TBC1D22A: variants seen among roughly 807,000 people sequenced by gnomAD.
The protein encoded by TBC1D22A is TBC1 domain family member 22A, also known as putative GTPase activator.
A neutral mutation model predicts 60.2 loss-of-function variants in TBC1D22A; 38 were observed. The observed-to-expected ratio is 0.63, with a 90% CI of 0.49 to 0.83. TBC1D22A has a LOEUF of 0.83. Ranked by LOEUF, TBC1D22A falls within the 40% of genes least tolerant of loss-of-function variation. The probability of loss-of-function intolerance (pLI) is 0.00; values close to 1 mark genes in which losing one functional copy is unlikely to be tolerated. For synonymous variants in TBC1D22A, 302 were observed against 281.7 expected (o/e 1.07, Z -0.72); for missense variants, 628 against 701.0 (o/e 0.90, Z 1.18).
Position 47,053,110 on chromosome 22 carries a change from GC to G in TBC1D22A, c.1329+15914del, listed in dbSNP as rs2063281214. Among the ~76,000 whole-genome samples the G allele has an allele frequency of 2.0e-5, 3 of 151,664 alleles. No individual in the cohort carries two copies. The South Asian group carries it at 6.2e-4, about 32-fold the overall frequency. ...GCATCGTGCCCACCACCAGCCCAGG[GC>G]CTCACTGCTTCCTGCCCACCACCAG... On this transcript the variant is annotated intron_variant, in intron 11 of 12. Coordinates refer to ENST00000337137, the MANE Select transcript of TBC1D22A (RefSeq NM_014346.5).
At chr22:46,832,185 C>A (rs2086339225) in intron 4 of TBC1D22A, among the ~76,000 whole-genome samples, 1 of 152,170 alleles carries the variant, frequency 6.6e-6, no homozygotes, top group Admixed American at 6.5e-5. Flanking sequence ...TGCATCATGG[C>A]AGGGAAGGGC....
At chr22:46,830,338 T>TA (rs2086257624) in intron 4 of TBC1D22A, among the ~76,000 whole-genome samples, 1 of 152,148 alleles carries the variant, frequency 6.6e-6, no homozygotes, top group African/African-American at 2.4e-5. Flanking sequence ...CCCTGGAGGG[T>TA]AGGGCCCTAT....
chr22:46,945,703 T>C (rs2072493295), intron 8 of TBC1D22A, among the ~76,000 whole-genome samples: 1 of 152,092 alleles, frequency 6.6e-6, no homozygotes, highest in Non-Finnish European at 1.5e-5. Flanking sequence ...GGAGCAGGGT[T>C]CCCCCCTGGT....
Position 46,999,903 on chromosome 22 carries a change from G to T in TBC1D22A, c.1201+2194G>T, listed in dbSNP as rs549428573. On this transcript the variant is annotated intron_variant, in intron 10 of 12. Transcript: ENST00000337137. ...AGCCGGGCGTGGTGGCAGGCGCCTGGAGTCCCAGCTGCTTGGGAGGCTGAG... is the reference window on the plus strand; with the variant it reads ...AGCCGGGCGTGGTGGCAGGCGCCTGTAGTCCCAGCTGCTTGGGAGGCTGAG... Among the ~76,000 whole-genome samples, 988 of 152,084 alleles carry T rather than the reference G, an allele frequency of 6.5e-3. 8 individuals carry two copies. Among genetic ancestry groups the T allele is most frequent in the African/African-American group, 0.022 (893 of 41,516 alleles).
chr22:47,062,558 G>A (rs572716517), intron 11 of TBC1D22A, among the ~76,000 whole-genome samples: 2 of 152,164 alleles, frequency 1.3e-5, no homozygotes, highest in East Asian at 3.9e-4. Flanking sequence ...ACAGTGCATG[G>A]TGCTTCCTCT....
At chr22:46,791,465 C>T (rs1000187849) in intron 1 of TBC1D22A, among the ~76,000 whole-genome samples, 1 of 152,068 alleles carries the variant, frequency 6.6e-6, no homozygotes, top group African/African-American at 2.4e-5. Context: ...GCTGAGGCCT[C>T]ACCTCTGTGT....
chr22:46,961,056 CATGGAAG>C (rs963827089), intron 8 of TBC1D22A, among the ~76,000 whole-genome samples: 1 of 150,018 alleles, frequency 6.7e-6, no homozygotes, highest in African/African-American at 2.4e-5. Flanking sequence ...AGGACTCCTT[CATGGAAG>C]ATACAAACAC....
intron 8 of TBC1D22A, among the ~76,000 whole-genome samples, chr22:46,961,903 C>CT (rs1370479536): frequency 6.6e-6 from 1 of 152,154 alleles, no homozygotes; most frequent in Non-Finnish European, 1.5e-5. Flanking sequence ...GTGAGTGTGT[C>CT]TGAGTGTGTA....
At chr22:46,879,202 G>A (rs2067725928) in intron 5 of TBC1D22A, among the ~76,000 whole-genome samples, 1 of 151,392 alleles carries the variant, frequency 6.6e-6, no homozygotes, top group African/African-American at 2.4e-5. Flanking sequence ...GTTTCTGTGG[G>A]TGAGAGAAGT....
intron 6 of TBC1D22A, 130 bp downstream of exon 6, chr22:46,891,524 A>C: frequency 4.3e-6 from 4 of 925,766 alleles, no homozygotes; most frequent in Non-Finnish European, 6.0e-6. Context: ...TGATTAGCTC[A>C]CAGATTTTTA....
At chr22:46,968,634 C>A (rs1374409462) in intron 8 of TBC1D22A, among the ~76,000 whole-genome samples, 1 of 151,340 alleles carries the variant, frequency 6.6e-6, no homozygotes. Context: ...CCTGAGTGGG[C>A]AGGCGTCCTC....
chr22:46,770,510 A>C (rs558727340), intron 1 of TBC1D22A, among the ~76,000 whole-genome samples: 1 of 152,338 alleles, frequency 6.6e-6, no homozygotes, highest in South Asian at 2.1e-4. Context: ...GGGATGTCTG[A>C]CAGGGAATGG....
rs150298481 is a variant in TBC1D22A, at chr22:46,976,132, G to A, written c.1125+1733G>A. ...GTCGCTTCTCTGATGGTGAGTGATGGGACTTGTGCCATTTAAATACAAGAT... is the reference window on the plus strand; with the variant it reads ...GTCGCTTCTCTGATGGTGAGTGATGAGACTTGTGCCATTTAAATACAAGAT... On this transcript the variant is annotated intron_variant, in intron 9 of 12. Transcript: ENST00000337137. Among the ~76,000 whole-genome samples, 1,147 of 152,234 alleles carry A rather than the reference G, an allele frequency of 7.5e-3. 18 individuals carry two copies. The highest frequency in any genetic ancestry group is 0.026 in the African/African-American group (1,092 of 41,530).
chr22:47,030,187 T>C (rs73470003), intron 10 of TBC1D22A, among the ~76,000 whole-genome samples: 3,906 of 152,292 alleles, frequency 0.026, 140 homozygotes, highest in African/African-American at 0.08. Flanking sequence ...AGCCTATTCA[T>C]GGCTGTCCCA....
rs145353185 is a variant in TBC1D22A, at chr22:47,059,529, T to C, written c.1329+22331T>C. Among the ~76,000 whole-genome samples, 1,172 of 152,326 alleles carry C rather than the reference T, an allele frequency of 7.7e-3. 13 individuals are homozygous for C. Among genetic ancestry groups the C allele is most frequent in the African/African-American group, 0.027 (1,114 of 41,564 alleles). Reference sequence around the variant, plus strand: ...CGTGTATGTGTGTTTCCACCCCCAATGTGAGCAAGTCTGTGTCTGTCACCC... The same window carrying C: ...CGTGTATGTGTGTTTCCACCCCCAACGTGAGCAAGTCTGTGTCTGTCACCC... On this transcript the variant is annotated intron_variant, in intron 11 of 12. Coordinates refer to ENST00000337137, the MANE Select transcript of TBC1D22A (RefSeq NM_014346.5).
chr22:47,084,637 G>A (rs1484350932), intron 11 of TBC1D22A, among the ~76,000 whole-genome samples: 1 of 152,192 alleles, frequency 6.6e-6, no homozygotes, highest in East Asian at 1.9e-4. Flanking sequence ...TTCAGCAACA[G>A]AATGGATAAA....
At chr22:46,835,026 A>C (rs1181211937) in intron 4 of TBC1D22A, among the ~76,000 whole-genome samples, 1 of 152,194 alleles carries the variant, frequency 6.6e-6, no homozygotes, top group Non-Finnish European at 1.5e-5. Flanking sequence ...TAAGGTATAG[A>C]ATCCTAAGAC....
rs116800081 is a variant in TBC1D22A at position 47,035,793 on chromosome 22, C to T, written c.1202-1278C>T. On this transcript the variant is annotated intron_variant, in intron 10 of 12. Coordinates refer to ENST00000337137, the MANE Select transcript of TBC1D22A (RefSeq NM_014346.5). ...CCTGTCCTTAGGTGAGGGCAGCTCC[C>T]GGTCCCACGGCCCTGAAGTCCAGGC... is the stretch of plus-strand genomic sequence containing the variant. Among the ~76,000 whole-genome samples the T allele has an allele frequency of 5.1e-3, 770 of 152,270 alleles. 10 individuals are homozygous for T. Among genetic ancestry groups the T allele is most frequent in the African/African-American group, 0.018 (736 of 41,536 alleles).
At chr22:47,103,102 C>T (rs777037774) in intron 11 of TBC1D22A, among the ~76,000 whole-genome samples, 13 of 152,170 alleles carry the variant, frequency 8.5e-5, no homozygotes, top group Admixed American at 2.6e-4. Context: ...TTCTCAGTGC[C>T]GAGCTTCCAT....
Sources: allele counts gnomAD v4.1 joint callset (sites outside exome capture counted in the v4.1 genomes callset), GRCh38; gene constraint gnomAD v4.1.1; transcripts MANE v1.5; gene names NCBI Gene and HGNC (gene_info 2026-07-23, HGNC 2026-07-21).